Variants in CCDC191 observed in about 807,000 individuals in gnomAD.
The protein encoded by CCDC191 is coiled-coil domain-containing protein 191.
Under a neutral mutation model 114.0 loss-of-function variants are expected in CCDC191, and 99 were observed. That is an observed-to-expected ratio of 0.87 (90% CI 0.74 to 1.03). CCDC191 has a LOEUF of 1.03. CCDC191 is among the 50% of genes least tolerant of loss of function. The pLI is 0.00. For synonymous variants in CCDC191, 351 were observed against 376.0 expected (o/e 0.93, Z 0.77); for missense variants, 973 against 1,087.0 (o/e 0.90, Z 1.47).
At chr3:114,030,110 G>A (rs1039336992) in intron 7 of CCDC191, among the ~76,000 whole-genome samples, 1 of 152,156 alleles carries the variant, frequency 6.6e-6, no homozygotes, top group Admixed American at 6.5e-5. Context: ...TTAACATTGG[G>A]AAAAGTTGGG....
intron 16 of CCDC191, among the ~76,000 whole-genome samples, chr3:113,967,931 C>T (rs1163145103): frequency 6.6e-6 from 1 of 152,150 alleles, no homozygotes; most frequent in Non-Finnish European, 1.5e-5. Flanking sequence ...ACACAGTGAC[C>T]TCCAGTTCTA....
chr3:114,006,674 GA>G (rs2075977212), intron 9 of CCDC191, among the ~76,000 whole-genome samples: 1 of 147,026 alleles, frequency 6.8e-6, no homozygotes, highest in African/African-American at 2.5e-5. Context: ...AATTGACTCT[GA>G]ATTTTAGTGG....
chr3:113,972,334 C>T (rs1940906367), intron 16 of CCDC191, among the ~76,000 whole-genome samples: 1 of 151,812 alleles, frequency 6.6e-6, no homozygotes, highest in Admixed American at 6.6e-5. Context: ...CTTCATTGAC[C>T]CATTGGTTGT....
At chr3:114,047,996 CTTATT>C (rs1025077474) in intron 2 of CCDC191, among the ~76,000 whole-genome samples, 1 of 152,062 alleles carries the variant, frequency 6.6e-6, no homozygotes, top group Non-Finnish European at 1.5e-5. Flanking sequence ...AATGTTAAAA[CTTATT>C]TTATAACTTA....
At chr3:114,006,617 T>TATATATATATATATATATATATATATAA (rs1482068610) in intron 9 of CCDC191, among the ~76,000 whole-genome samples, 1 of 118,466 alleles carries the variant, frequency 8.4e-6, no homozygotes, top group Non-Finnish European at 1.8e-5. Flanking sequence ...TATATATATA[T>TATATATATATATATATATATATATATAA]AAATATATAT....
At chr3:114,049,991 C>CT (rs1241260696) in intron 2 of CCDC191, among the ~76,000 whole-genome samples, 3 of 152,108 alleles carry the variant, frequency 2.0e-5, no homozygotes, top group Non-Finnish European at 2.9e-5. Context: ...AAATAGCTTA[C>CT]TTTTTTTGTT....
intron 13 of CCDC191, among the ~76,000 whole-genome samples, chr3:113,997,609 AG>A (rs2075757894): frequency 6.6e-6 from 1 of 152,230 alleles, no homozygotes; most frequent in South Asian, 2.1e-4. Context: ...GGCATGTCAA[AG>A]GGACAATAGG....
chr3:114,025,876 T>C (rs1235601055), intron 7 of CCDC191, among the ~76,000 whole-genome samples: 2 of 152,186 alleles, frequency 1.3e-5, no homozygotes, highest in African/African-American at 4.8e-5. Context: ...CTTCAGAATA[T>C]ATCAGACAAA....
chr3:114,010,939 C>T lies in CCDC191; in HGVS notation c.1246G>A (p.Glu416Lys), dbSNP rs753510309. ...AGAGCCAGCTCTCTCTTCAGGAGCT[C>T]GGCGCCATGCCAATGCTGCCATTCT... ...FTEWQHWHGA[E>K]LLKRELALTK... The change falls in exon 9 of 17, where the codon GAG (glutamate) becomes AAG (lysine). Residue 416 changes from glutamate to lysine, a missense_variant. Coordinates refer to ENST00000295878, the MANE Select transcript of CCDC191 (RefSeq NM_020817.2). 14 of 1,614,036 alleles carry T rather than the reference C, an allele frequency of 8.7e-6. No homozygotes were observed. The East Asian group carries it at 1.6e-4, about 18-fold the overall frequency.
chr3:113,997,599 G>T (rs780365812), intron 13 of CCDC191, among the ~76,000 whole-genome samples: 1 of 152,102 alleles, frequency 6.6e-6, no homozygotes, highest in Non-Finnish European at 1.5e-5. Flanking sequence ...AAATAATGGG[G>T]GCATGTCAAA....
At chr3:114,049,124 G>A (rs2076668040) in intron 2 of CCDC191, among the ~76,000 whole-genome samples, 1 of 152,202 alleles carries the variant, frequency 6.6e-6, no homozygotes, top group South Asian at 2.1e-4. Context: ...TGAAAAAGAT[G>A]TAGAAAACAG....
chr3:113,991,635 C>T (rs2075569517), intron 13 of CCDC191, among the ~76,000 whole-genome samples: 1 of 152,104 alleles, frequency 6.6e-6, no homozygotes, highest in Admixed American at 6.5e-5. Flanking sequence ...TCTCATCATG[C>T]CTATTCCATC....
At chr3:114,027,418 A>G (rs1048596728) in intron 7 of CCDC191, among the ~76,000 whole-genome samples, 3 of 151,550 alleles carry the variant, frequency 2.0e-5, no homozygotes, top group African/African-American at 7.3e-5. Flanking sequence ...GATTGAGAAC[A>G]GCCTGGCCAA....
At chr3:114,015,238 A>C (rs943458863) in intron 8 of CCDC191, among the ~76,000 whole-genome samples, 4 of 152,140 alleles carry the variant, frequency 2.6e-5, no homozygotes, top group African/African-American at 9.7e-5. Context: ...GACAAAGGGA[A>C]GAGGTAAAAG....
chr3:113,972,190 CT>C (rs1292287563), intron 16 of CCDC191, among the ~76,000 whole-genome samples: 2 of 151,930 alleles, frequency 1.3e-5, no homozygotes, highest in African/African-American at 4.8e-5. Context: ...AGTCTGTCAA[CT>C]TTTTTGATGT....
intron 13 of CCDC191, among the ~76,000 whole-genome samples, chr3:113,993,479 A>C (rs935833268): frequency 3.3e-5 from 5 of 152,336 alleles, no homozygotes; most frequent in African/African-American, 1.2e-4. Flanking sequence ...AAATATATAA[A>C]AATAATTTAA....
intron 13 of CCDC191, among the ~76,000 whole-genome samples, chr3:113,991,464 T>C (rs1182107140): frequency 6.6e-6 from 1 of 152,168 alleles, no homozygotes; most frequent in Non-Finnish European, 1.5e-5. Context: ...GAAAAAGCTT[T>C]CAGTGAAATT....
intron 14 of CCDC191, among the ~76,000 whole-genome samples, chr3:113,979,931 A>C (rs183624820): frequency 6.6e-6 from 1 of 152,346 alleles, no homozygotes; most frequent in East Asian, 1.9e-4. Context: ...CTGATTTCAT[A>C]TATCTCTCTG....
At chr3:114,010,486 T>C (rs2076049902) in intron 9 of CCDC191, among the ~76,000 whole-genome samples, 2 of 152,242 alleles carry the variant, frequency 1.3e-5, no homozygotes, top group South Asian at 2.1e-4. Flanking sequence ...TCAAGAGTTA[T>C]AGACAGTGCT....
Sources: gnomAD v4.1 joint callset for allele counts (sites outside exome capture counted in the v4.1 genomes callset) on GRCh38, gnomAD v4.1.1 for gene constraint, MANE v1.5 for transcripts, NCBI Gene and HGNC (gene_info 2026-07-23, HGNC 2026-07-21) for gene names.